Variants in ANKRD26 observed in about 807,000 individuals in gnomAD.
ANKRD26 encodes the protein ankyrin repeat domain 26.
Under a neutral mutation model 208.7 loss-of-function variants are expected in ANKRD26, and 141 were observed. The observed-to-expected ratio is 0.68, with a 90% CI of 0.59 to 0.78. The LOEUF (loss-of-function observed/expected upper bound fraction) is 0.78, where lower values mean the gene tolerates loss of function less well. Among genes scored for constraint, ANKRD26 ranks in the 30% least tolerant of loss-of-function variants. The pLI is 0.00. For missense variants in ANKRD26, 1,889 were observed against 1,938.7 expected, an observed-to-expected ratio of 0.97 and a Z score of 0.48; for synonymous variants, 636 against 660.4, an observed-to-expected ratio of 0.96 and a Z score of 0.57.
At chr10:26,953,387 G>T in the ANKRD26 span, among the ~76,000 whole-genome samples, 2 of 152,172 alleles carry the variant, frequency 1.3e-5, no homozygotes, top group African/African-American at 2.4e-5. Flanking sequence ...AGTTGCGATC[G>T]TGCCACTGCT....
chr10:27,019,899 C>G (rs191351621), intron 29 of ANKRD26, among the ~76,000 whole-genome samples: 3 of 152,202 alleles, frequency 2.0e-5, no homozygotes, highest in East Asian at 3.9e-4. Flanking sequence ...GGGAAAATCT[C>G]GGCCAGGACA....
intron 9 of ANKRD26, among the ~76,000 whole-genome samples, chr10:27,068,265 GT>G (rs1190768186): frequency 6.6e-6 from 1 of 152,220 alleles, no homozygotes; most frequent in Non-Finnish European, 1.5e-5. Context: ...TTTTACAAGT[GT>G]TTGGTAGTTC....
intron 6 of ANKRD26, among the ~76,000 whole-genome samples, chr10:27,079,663 G>A (rs2055831193): frequency 6.6e-6 from 1 of 152,114 alleles, no homozygotes; most frequent in African/African-American, 2.4e-5. Flanking sequence ...AGATCAGCCT[G>A]GCCAACATGG....
chr10:27,033,550 T>G (rs1295708051), intron 24 of ANKRD26, among the ~76,000 whole-genome samples, 173 bp from the exon 25 acceptor site: 3 of 152,212 alleles, frequency 2.0e-5, no homozygotes, highest in African/African-American at 7.2e-5. Flanking sequence ...TATTACTGAA[T>G]TCAGTTAAGG....
chr10:27,036,846 T>G (rs1339140352), intron 23 of ANKRD26, among the ~76,000 whole-genome samples: 1 of 152,172 alleles, frequency 6.6e-6, no homozygotes, highest in Non-Finnish European at 1.5e-5. Flanking sequence ...ATCAAGGTGA[T>G]GAAATCACTT....
chr10:27,022,426 A>G lies in ANKRD26; in HGVS notation c.4215+132T>C, dbSNP rs988413426. On this transcript the variant is annotated intron_variant, in intron 29 of 33. Transcript: ENST00000376087. ...TACCTCTGAACTTAAAAGTTTAAAA[A>G]AAGTTTTTTTATTAGTATCAAGTCC... 15 of 680,780 alleles carry G rather than the reference A, an allele frequency of 2.2e-5. No homozygotes were observed. In the African/African-American group the frequency reaches 2.6e-4, roughly 12 times the overall value. 42.2% of individuals were successfully genotyped at this position (680,780 alleles called of 1,614,324 possible). A position where few individuals can be genotyped will look rare whatever the true frequency, so the allele number is the denominator to read the frequency against.
chr10:27,057,706 A>C (rs1295198431), intron 15 of ANKRD26, among the ~76,000 whole-genome samples: 1 of 152,226 alleles, frequency 6.6e-6, no homozygotes, highest in Non-Finnish European at 1.5e-5. Flanking sequence ...TGGGAGGCCA[A>C]GATGGGTGGA....
At chr10:27,093,546 A>G (rs2056369059) in intron 2 of ANKRD26, 24 bp from the exon 3 acceptor site, 2 of 1,613,574 alleles carry the variant, frequency 1.2e-6, no homozygotes, top group Admixed American at 1.7e-5. Flanking sequence ...ACCAAGAAAC[A>G]GATCATAAAT....
intron 16 of ANKRD26, chr10:27,051,104 T>C (rs1269502656): frequency 5.4e-6 from 7 of 1,286,934 alleles, no homozygotes; most frequent in Non-Finnish European, 7.1e-6. Context: ...CCTGGAACTC[T>C]ACTTTTAACA....
intron 5 of ANKRD26, among the ~76,000 whole-genome samples, chr10:26,979,418 G>C (rs2052275089): frequency 6.6e-6 from 1 of 152,144 alleles, no homozygotes; most frequent in Admixed American, 6.5e-5. Context: ...CAGCATATTA[G>C]GAACACATGG....
At chr10:26,972,508 CTCGTTCAAGATACTGAT>C (rs2052164581), downstream of ANKRD26, among the ~76,000 whole-genome samples, 1 of 151,766 alleles carries the variant, frequency 6.6e-6, no homozygotes, top group Non-Finnish European at 1.5e-5. Context: ...TCTTGCTAGA[CTCGTTCAAGATACTGAT>C]TCTTACTTAG....
At position 27,100,350 on chromosome 10, in the gene ANKRD26, G is replaced by A. The variant is rs772081069; in HGVS notation, c.-24C>T. The A allele has an allele frequency of 1.2e-6, 2 of 1,604,120 alleles. No individual in the cohort carries two copies. ...ATGGCCCAGGCGACCGGGCTTCAGA[G>A]ACACCTCATGTCTCTCTCGGCTCTT... On this transcript the variant is annotated 5_prime_UTR_variant, in exon 1 of 34. Transcript: ENST00000376087.
Position 27,075,318 on chromosome 10 carries a change from C to G in ANKRD26, c.1077+2020G>C, listed in dbSNP as rs769949486. On this transcript the variant is annotated intron_variant, in intron 9 of 33. Transcript: ENST00000376087. ...TGGCAGAATGGATTTTTAAAAATCA[C>G]AAGCCAAATTCTCTGCTGTTTTCAG... Among the ~76,000 whole-genome samples, 128 of 152,234 alleles carry G rather than the reference C, an allele frequency of 8.4e-4. 1 individual carries two copies. Among genetic ancestry groups the G allele is most frequent in the Non-Finnish European group, 3.7e-4 (25 of 68,016 alleles).
At chr10:26,960,500 T>C in the ANKRD26 span, among the ~76,000 whole-genome samples, 1 of 152,170 alleles carries the variant, frequency 6.6e-6, no homozygotes, top group Admixed American at 6.6e-5. Flanking sequence ...ACCCAGTCCA[T>C]ATGACCACAG....
intron 32 of ANKRD26, among the ~76,000 whole-genome samples, chr10:27,011,772 T>G (rs1312538350): frequency 6.6e-6 from 1 of 152,220 alleles, no homozygotes; most frequent in Non-Finnish European, 1.5e-5. Context: ...CATGAAATTC[T>G]GGGTAGGAAG....
chr10:27,038,910 C>T (rs1017252750), intron 21 of ANKRD26, among the ~76,000 whole-genome samples: 3 of 152,134 alleles, frequency 2.0e-5, no homozygotes, highest in Non-Finnish European at 4.4e-5. Flanking sequence ...CTGGTTACCC[C>T]ATACTTTTTA....
intron 32 of ANKRD26, among the ~76,000 whole-genome samples, chr10:27,012,025 T>C (rs2053129907): frequency 6.6e-6 from 1 of 152,200 alleles, no homozygotes; most frequent in Non-Finnish European, 1.5e-5. Context: ...AACTTAAAAA[T>C]ACAAATTAAT....
In ANKRD26 at chr10:27,077,549, A is replaced by G. The variant is rs780057746; in HGVS notation, c.875-9T>C. The G allele has an allele frequency of 1.2e-6, 2 of 1,613,110 alleles. No individual in the cohort carries two copies. The highest frequency in any genetic ancestry group is 4.5e-5 in the East Asian group (2 of 44,860). Reference sequence around the variant, plus strand: ...GCCATATGTTGCTTCTACTACAGTAAAAACAAAATAAAGAGTAAATGAAAA... The same window carrying G: ...GCCATATGTTGCTTCTACTACAGTAGAAACAAAATAAAGAGTAAATGAAAA... On this transcript the variant is annotated splice_polypyrimidine_tract_variant and intron_variant, in intron 8 of 33. Coordinates refer to ENST00000376087, the MANE Select transcript of ANKRD26 (RefSeq NM_014915.3).
intron 29 of ANKRD26, among the ~76,000 whole-genome samples, chr10:27,020,849 C>T (rs370869253): frequency 3.3e-5 from 5 of 151,936 alleles, no homozygotes; most frequent in African/African-American, 1.2e-4. Flanking sequence ...TTGGTGGAGA[C>T]GGGGTTTTGC....
Sources: gnomAD v4.1 joint callset for allele counts (sites outside exome capture counted in the v4.1 genomes callset) on GRCh38, gnomAD v4.1.1 for gene constraint, MANE v1.5 for transcripts, NCBI Gene and HGNC (gene_info 2026-07-23, HGNC 2026-07-21) for gene names.